Variants in SPIDR observed in about 807,000 individuals in gnomAD.
SPIDR encodes scaffold protein involved in DNA repair, also known as DNA repair-scaffolding protein.
In SPIDR, 93 loss-of-function variants were observed where a neutral mutation model predicts 104.6. The ratio of observed to expected loss-of-function variants is 0.89; its 90% confidence interval spans 0.75 to 1.06. SPIDR has a LOEUF of 1.06. Among genes scored for constraint, SPIDR ranks in the 50% least tolerant of loss-of-function variants. SPIDR has a pLI of 0.00. For synonymous variants in SPIDR, 431 were observed against 416.9 expected (o/e 1.03, Z -0.41); for missense variants, 1,154 against 1,111.2 (o/e 1.04, Z -0.55).
rs145637743 is a variant in SPIDR at position 47,579,039 on chromosome 8, G to C, written c.1098-16772G>C. On this transcript the variant is annotated intron_variant, in intron 8 of 19. Transcript: ENST00000297423. Reference sequence around the variant, plus strand: ...AGTTTAGAGTCATTTTCTAAGACTTGTATTTTTAAAGTTTTATTAGAGTAA... The same window carrying C: ...AGTTTAGAGTCATTTTCTAAGACTTCTATTTTTAAAGTTTTATTAGAGTAA... 1.8e-4 allele frequency among the ~76,000 whole-genome samples: 28 copies of C among 152,286 alleles called. No homozygotes were observed. In the East Asian group the frequency reaches 5.4e-3, roughly 29 times the overall value.
chr8:47,489,944 A>G (rs2154366134), intron 8 of SPIDR, among the ~76,000 whole-genome samples: 1 of 152,336 alleles, frequency 6.6e-6, no homozygotes, highest in East Asian at 1.9e-4. Flanking sequence ...AGGCATGGGC[A>G]AGGACTCCAT....
chr8:47,327,068 G>A (rs979182641), intron 5 of SPIDR, among the ~76,000 whole-genome samples: 13 of 152,036 alleles, frequency 8.6e-5, no homozygotes, highest in African/African-American at 3.1e-4. Context: ...AACGCACAAA[G>A]GTTTCAGTTT....
intron 5 of SPIDR, among the ~76,000 whole-genome samples, chr8:47,320,054 A>G (rs2046240459): frequency 6.6e-6 from 1 of 152,128 alleles, no homozygotes; most frequent in Admixed American, 6.6e-5. Context: ...AAGCAAGAGC[A>G]AACACATTCA....
intron 5 of SPIDR, among the ~76,000 whole-genome samples, chr8:47,384,378 G>A (rs565563765): frequency 2.4e-4 from 36 of 152,270 alleles, no homozygotes; most frequent in African/African-American, 7.7e-4. Flanking sequence ...TTTGTGTTAC[G>A]TAAGACTGAT....
chr8:47,541,125 G>C (rs1342340927), intron 8 of SPIDR, among the ~76,000 whole-genome samples: 5 of 152,194 alleles, frequency 3.3e-5, no homozygotes, highest in African/African-American at 1.2e-4. Flanking sequence ...CTCCCAAAAT[G>C]CTGGGATTAC....
intron 5 of SPIDR, among the ~76,000 whole-genome samples, chr8:47,358,745 A>C (rs1410781897): frequency 1.3e-5 from 2 of 152,232 alleles, no homozygotes; most frequent in African/African-American, 4.8e-5. Context: ...CTTCAGTAGC[A>C]GAATTTTAAA....
chr8:47,596,780 C>T (rs988672820), intron 9 of SPIDR, among the ~76,000 whole-genome samples: 1 of 152,122 alleles, frequency 6.6e-6, no homozygotes, highest in Admixed American at 6.5e-5. Context: ...AACACAAATA[C>T]ATTGTACAGC....
At chr8:47,271,919 G>A (rs933528112) in intron 1 of SPIDR, among the ~76,000 whole-genome samples, 1 of 151,986 alleles carries the variant, frequency 6.6e-6, no homozygotes, top group Non-Finnish European at 1.5e-5. Flanking sequence ...TCCTGCCTCA[G>A]CCTCCTGAGT....
intron 3 of SPIDR, 147 bp downstream of exon 3, chr8:47,284,241 G>T: frequency 3.3e-6 from 2 of 602,048 alleles, no homozygotes; most frequent in Admixed American, 5.9e-5. Flanking sequence ...AAGGTAAAAA[G>T]ATATTTTTGA....
At chr8:47,369,250 A>G (rs1380733870) in intron 5 of SPIDR, among the ~76,000 whole-genome samples, 1 of 152,218 alleles carries the variant, frequency 6.6e-6, no homozygotes, top group Non-Finnish European at 1.5e-5. Flanking sequence ...TGCAAGGAGT[A>G]AGAGAGGCAG....
At chr8:47,492,321 G>C (rs1465187396) in intron 8 of SPIDR, among the ~76,000 whole-genome samples, 2 of 152,070 alleles carry the variant, frequency 1.3e-5, no homozygotes, top group Non-Finnish European at 2.9e-5. Context: ...ACCAGTATCT[G>C]GCAAGCAGGC....
At chr8:47,636,981 G>A (rs2068022306) in intron 10 of SPIDR, among the ~76,000 whole-genome samples, 1 of 152,136 alleles carries the variant, frequency 6.6e-6, no homozygotes. Context: ...AGGGGTCCTG[G>A]AATTGACAGA....
intron 8 of SPIDR, among the ~76,000 whole-genome samples, chr8:47,590,392 T>A (rs912425683): frequency 5.3e-5 from 8 of 152,228 alleles, no homozygotes; most frequent in African/African-American, 1.7e-4. Context: ...GTTCAGTGTT[T>A]GTTTTTACAT....
At chr8:47,336,475 G>A (rs2049772815) in intron 5 of SPIDR, among the ~76,000 whole-genome samples, 1 of 152,130 alleles carries the variant, frequency 6.6e-6, no homozygotes, top group South Asian at 2.1e-4. Flanking sequence ...TAAAATTAGG[G>A]GTTTAGGTAG....
At chr8:47,401,442 A>G (rs1231221526) in intron 6 of SPIDR, among the ~76,000 whole-genome samples, 1 of 152,212 alleles carries the variant, frequency 6.6e-6, no homozygotes, top group Non-Finnish European at 1.5e-5. Context: ...CAAAATAACC[A>G]GCTAACATCA....
chr8:47,507,469 A>G (rs927995292), intron 8 of SPIDR, among the ~76,000 whole-genome samples: 6 of 152,184 alleles, frequency 3.9e-5, no homozygotes, highest in Non-Finnish European at 8.8e-5. Context: ...AGCTGCTCAT[A>G]TCGTGTTGCT....
At chr8:47,403,411 A>C (rs1455351550) in intron 6 of SPIDR, among the ~76,000 whole-genome samples, 1 of 152,210 alleles carries the variant, frequency 6.6e-6, no homozygotes, top group Non-Finnish European at 1.5e-5. Flanking sequence ...GAGGAAGTCA[A>C]ATTGTCCCTG....
intron 5 of SPIDR, among the ~76,000 whole-genome samples, chr8:47,309,213 G>A (rs1489526516): frequency 6.6e-6 from 1 of 152,134 alleles, no homozygotes; most frequent in African/African-American, 2.4e-5. Context: ...TCTTAGTCAA[G>A]CTTTTTGTAT....
intron 1 of SPIDR, among the ~76,000 whole-genome samples, chr8:47,264,019 C>A (rs1473220971): frequency 6.6e-6 from 1 of 152,118 alleles, no homozygotes; most frequent in Non-Finnish European, 1.5e-5. Context: ...GAAAGGAGAA[C>A]TAGTTTAGAA....
Sources: allele counts gnomAD v4.1 joint callset (sites outside exome capture counted in the v4.1 genomes callset), GRCh38; gene constraint gnomAD v4.1.1; transcripts MANE v1.5; gene names NCBI Gene and HGNC (gene_info 2026-07-23, HGNC 2026-07-21).